The following KCTD20 variants were observed in gnomAD, a reference collection of about 807,000 sequenced individuals.
The protein encoded by KCTD20 is BTB/POZ domain-containing protein KCTD20.
Under a neutral mutation model 39.6 loss-of-function variants are expected in KCTD20, and 30 were observed. The observed-to-expected ratio is 0.76, with a 90% confidence interval of 0.57 to 1.03. The LOEUF (loss-of-function observed/expected upper bound fraction) is 1.03. KCTD20 is among the 50% of genes least tolerant of loss of function. The pLI, the probability that KCTD20 is intolerant of heterozygous loss-of-function variation, is 0.00. For missense variants in KCTD20, 422 were observed against 522.0 expected (o/e 0.81, Z 1.87); for synonymous variants, 162 against 180.6 (o/e 0.90, Z 0.83).
In KCTD20 at chr6:36,452,908, A is replaced by G. The variant is rs9394353; in HGVS notation, c.-47+9797A>G. ...TACAATTCACTCATATAAAGTATAG[A>G]GTTGAGTGGTTTAGTATATTCAAAG... On this transcript the variant is annotated intron_variant, in intron 1 of 7. Coordinates refer to ENST00000373731, the MANE Select transcript of KCTD20 (RefSeq NM_173562.5). Among the ~76,000 whole-genome samples the G allele has an allele frequency of 1.5e-4, 23 of 150,734 alleles. No homozygotes were observed. The East Asian group carries it at 4.6e-3, about 30-fold the overall frequency.
At chr6:36,470,907 T>G (rs946094469) in intron 2 of KCTD20, among the ~76,000 whole-genome samples, 1 of 152,212 alleles carries the variant, frequency 6.6e-6, no homozygotes, top group Admixed American at 6.5e-5. Context: ...CCCAGCACTT[T>G]GGGAGGCCAA....
At chr6:36,453,618 G>T (rs772398623) in intron 1 of KCTD20, among the ~76,000 whole-genome samples, 3 of 150,968 alleles carry the variant, frequency 2.0e-5, no homozygotes, top group Non-Finnish European at 4.4e-5. Flanking sequence ...GGGTTCAAGC[G>T]ATTCTCCTGC....
intron 5 of KCTD20, among the ~76,000 whole-genome samples, chr6:36,480,750 A>T (rs897433653): frequency 1.3e-5 from 2 of 151,940 alleles, no homozygotes; most frequent in African/African-American, 4.8e-5. Context: ...ATAGGGTTTC[A>T]CCATGTTGGC....
chr6:36,460,756 C>T (rs545483937), intron 1 of KCTD20, among the ~76,000 whole-genome samples: 3 of 152,174 alleles, frequency 2.0e-5, no homozygotes, highest in East Asian at 3.9e-4. Flanking sequence ...TCCTAGCCCC[C>T]GGTCTTCAGC....
In KCTD20 at chr6:36,471,761, G is replaced by A. The variant is rs533521494; in HGVS notation, c.160+1504G>A. Among the ~76,000 whole-genome samples the A allele has an allele frequency of 6.6e-5, 10 of 152,132 alleles. No homozygotes were observed. The East Asian group carries it at 1.7e-3, about 26-fold the overall frequency. Reference sequence around the variant, plus strand: ...ATAGAACCTGAGGTGTCTTCTTTGGGTTTCGGAATAAACCCATTTTAATTG... The same window carrying A: ...ATAGAACCTGAGGTGTCTTCTTTGGATTTCGGAATAAACCCATTTTAATTG... On this transcript the variant is annotated intron_variant, in intron 2 of 7. Transcript: ENST00000373731.
intron 2 of KCTD20, among the ~76,000 whole-genome samples, chr6:36,472,929 C>T (rs1468310126): frequency 6.6e-6 from 1 of 151,620 alleles, no homozygotes; most frequent in East Asian, 1.9e-4. Context: ...GAGACAGAGT[C>T]TTGCTCTGTT....
At chr6:36,454,175 G>A (rs1775354182) in intron 1 of KCTD20, among the ~76,000 whole-genome samples, 1 of 152,156 alleles carries the variant, frequency 6.6e-6, no homozygotes, top group Admixed American at 6.5e-5. Flanking sequence ...ATTTATGAAT[G>A]ATGTTATTCA....
At chr6:36,481,879 G>T in intron 6 of KCTD20, 120 bp downstream of exon 6, 1 of 809,156 alleles carries the variant, frequency 1.2e-6, no homozygotes. Context: ...ACACTCACCT[G>T]GATGACAAAT....
At chr6:36,472,679 T>G (rs1490014894) in intron 2 of KCTD20, among the ~76,000 whole-genome samples, 1 of 152,164 alleles carries the variant, frequency 6.6e-6, no homozygotes, top group Non-Finnish European at 1.5e-5. Context: ...AAAAAACTTT[T>G]TTTTACATTA....
intron 6 of KCTD20, among the ~76,000 whole-genome samples, chr6:36,482,939 A>G (rs1402856801): frequency 7.9e-6 from 1 of 126,794 alleles, no homozygotes; most frequent in South Asian, 2.4e-4. Flanking sequence ...GAGCAAGACT[A>G]CGTCTCAAAA....
intron 2 of KCTD20, among the ~76,000 whole-genome samples, chr6:36,470,906 T>C (rs1377343503): frequency 6.6e-6 from 1 of 152,152 alleles, no homozygotes; most frequent in Non-Finnish European, 1.5e-5. Flanking sequence ...TCCCAGCACT[T>C]TGGGAGGCCA....
chr6:36,457,394 A>G lies in KCTD20; in HGVS notation c.-46-12658A>G, dbSNP rs540836775. On this transcript the variant is annotated intron_variant, in intron 1 of 7. Transcript: ENST00000373731. ...ACTGAGCATTAAAGAAGGCCTTGCT[A>G]TTTTTAAGTCTGTATCCTAATCAAA... Among the ~76,000 whole-genome samples, 196 of 152,154 alleles carry G rather than the reference A, an allele frequency of 1.3e-3. 2 individuals carry two copies. Among genetic ancestry groups the G allele is most frequent in the Non-Finnish European group, 1.5e-3 (100 of 68,034 alleles).
At position 36,481,714 on chromosome 6, in the gene KCTD20, T is replaced by G; in HGVS notation, c.811T>G (p.Trp271Gly). Residue 271 changes from tryptophan (W) to glycine (G), a missense_variant, in exon 6 of 8, where the codon TGG (tryptophan) becomes GGG (glycine). Coordinates refer to ENST00000373731, the MANE Select transcript of KCTD20 (RefSeq NM_173562.5). The part of the protein sequence containing the change: ...VVLTDEDSVD[W>G]DEDHPPPMGE... ...GCTGACGGATGAGGATTCTGTGGAC[T>G]GGGATGAAGACCACCCTCCACCAAT... 6.2e-7 allele frequency: 1 copy of G among 1,614,214 alleles called. No individual in the cohort carries two copies. The highest frequency in any genetic ancestry group is 8.5e-7 in the Non-Finnish European group (1 of 1,180,042).
At chr6:36,463,735 C>G in intron 1 of KCTD20, among the ~76,000 whole-genome samples, 1 of 152,156 alleles carries the variant, frequency 6.6e-6, no homozygotes, top group South Asian at 2.1e-4. Context: ...TGCCAGCACC[C>G]TAATCTTGCT....
At chr6:36,480,714 G>A (rs755540325) in intron 5 of KCTD20, among the ~76,000 whole-genome samples, 6 of 151,948 alleles carry the variant, frequency 3.9e-5, no homozygotes, top group Non-Finnish European at 7.4e-5. Context: ...CACCATGCCC[G>A]GCTAATTTTT....
rs1331038446 is a variant in KCTD20 at position 36,484,768 on chromosome 6, T to C, written c.911T>C (p.Val304Ala). 3 of 1,610,066 alleles carry C rather than the reference T, an allele frequency of 1.9e-6. No homozygotes were observed. Among genetic ancestry groups the C allele is most frequent in the South Asian group, 1.1e-5 (1 of 90,494 alleles). ...RFFKYIENRDVAKTVLKERGL... is the reference protein window; with the variant it reads ...RFFKYIENRDAAKTVLKERGL... ...TTCAAATATATTGAGAATAGGGATG[T>C]TGCAAAAACAGTGTTAAAGGAACGG... The change falls in exon 7 of 8, where the codon GTT (valine) becomes GCT (alanine). Residue 304 changes from valine to alanine, a missense_variant. By Grantham distance (64) the Val-to-Ala change is moderately conservative. Transcript: ENST00000373731.
intron 1 of KCTD20, among the ~76,000 whole-genome samples, chr6:36,460,212 G>A (rs114815204): frequency 8.7e-4 from 133 of 152,290 alleles, no homozygotes; most frequent in African/African-American, 3.1e-3. Flanking sequence ...AACTAGTTAA[G>A]TTCAATCAAA....
chr6:36,454,504 G>T (rs974727265), intron 1 of KCTD20, among the ~76,000 whole-genome samples: 3 of 151,750 alleles, frequency 2.0e-5, no homozygotes, highest in Non-Finnish European at 4.4e-5. Context: ...ACCACACCCG[G>T]CTAATTTTTG....
Position 36,484,783 on chromosome 6 carries a change from TA to T in KCTD20, c.929del (p.Lys310ArgfsTer5). On this transcript the variant is annotated frameshift_variant, in exon 7 of 8. Transcript: ENST00000373731. LOFTEE classifies it high-confidence loss of function. ...IENRDVAKTV[L>X]KERGLKNIRI... Reference sequence around the variant, plus strand: ...AATAGGGATGTTGCAAAAACAGTGTTAAAGGAACGGGGCCTAAAAAACATTC... The same window carrying T: ...AATAGGGATGTTGCAAAAACAGTGTTAAGGAACGGGGCCTAAAAAACATTC... 2.5e-6 allele frequency: 4 copies of T among 1,605,330 alleles called. No individual in the cohort carries two copies. Among genetic ancestry groups the T allele is most frequent in the Non-Finnish European group, 3.4e-6 (4 of 1,174,376 alleles).
Sources: allele counts gnomAD v4.1 joint callset (sites outside exome capture counted in the v4.1 genomes callset), GRCh38; gene constraint gnomAD v4.1.1; transcripts MANE v1.5; gene names NCBI Gene and HGNC (gene_info 2026-07-23, HGNC 2026-07-21).